THSD7A: variants seen among roughly 807,000 people sequenced by gnomAD.
THSD7A encodes thrombospondin type 1 domain containing 7A.
In THSD7A, 96 loss-of-function variants were observed where a neutral mutation model predicts 231.3. The ratio of observed to expected loss-of-function variants is 0.41; its 90% CI spans 0.35 to 0.49. THSD7A has a LOEUF of 0.49. Among genes scored for constraint, THSD7A ranks in the 20% least tolerant of loss-of-function variants. The probability of loss-of-function intolerance (pLI) is 0.05; values close to 1 mark genes in which losing one functional copy is unlikely to be tolerated. For missense variants in THSD7A, 2,290 were observed against 2,070.2 expected, an observed-to-expected ratio of 1.11 and a Z score of -2.06; for synonymous variants, 940 against 743.3, an observed-to-expected ratio of 1.26 and a Z score of -4.30.
At chr7:11,748,957 A>G (rs1341890633) in intron 1 of THSD7A, among the ~76,000 whole-genome samples, 1 of 152,012 alleles carries the variant, frequency 6.6e-6, no homozygotes, top group African/African-American at 2.4e-5. Context: ...TGAAGTATAC[A>G]GACAATTCCA....
intron 4 of THSD7A, among the ~76,000 whole-genome samples, chr7:11,552,872 T>C (rs1014752179): frequency 2.0e-5 from 3 of 152,086 alleles, no homozygotes; most frequent in Non-Finnish European, 4.4e-5. Context: ...CAAACCAATC[T>C]GTGAGTCCTA....
chr7:11,382,429 G>C (rs541153150), intron 24 of THSD7A, 92 bp downstream of exon 24: 3 of 1,050,796 alleles, frequency 2.9e-6, no homozygotes, highest in Admixed American at 2.0e-5. Context: ...AATACTGAAA[G>C]AGTAACTTTG....
chr7:11,444,133 T>C lies in THSD7A; in HGVS notation c.3064+1928A>G, dbSNP rs1242533970. ...TCACACCAGTTAGAATGGTGATCAT[T>C]AAAAAGTCAGGAAACAACAGATGCT... On this transcript the variant is annotated intron_variant, in intron 13 of 27. Transcript: ENST00000423059. This position sits in a 1 kb window ranked among gnomAD's most constrained non-coding sequence, Gnocchi z 4.2. Among the ~76,000 whole-genome samples the C allele has an allele frequency of 6.6e-6, 1 of 151,998 alleles. No individual in the cohort carries two copies. The highest frequency in any genetic ancestry group is 1.5e-5 in the Non-Finnish European group (1 of 67,984).
At chr7:11,507,134 T>A (rs929015767) in intron 6 of THSD7A, among the ~76,000 whole-genome samples, 1 of 152,184 alleles carries the variant, frequency 6.6e-6, no homozygotes, top group Non-Finnish European at 1.5e-5. Context: ...TGAGGTACTA[T>A]GGACCTTGAA....
At chr7:11,655,798 T>C (rs912193932) in intron 1 of THSD7A, among the ~76,000 whole-genome samples, 2 of 151,956 alleles carry the variant, frequency 1.3e-5, no homozygotes, top group African/African-American at 2.4e-5. Flanking sequence ...ACACATTCTA[T>C]TGAGGTTCAC....
chr7:11,620,532 T>A (rs1056098027), intron 2 of THSD7A, among the ~76,000 whole-genome samples: 2 of 152,146 alleles, frequency 1.3e-5, no homozygotes, highest in African/African-American at 4.8e-5. Context: ...TGGGTATGGT[T>A]TCACAGGCTG....
rs1785213865 is a variant in THSD7A at position 11,832,031 on chromosome 7, G to T, written c.-85C>A. 2.1e-6 allele frequency: 2 copies of T among 938,984 alleles called. No individual in the cohort carries two copies. Among genetic ancestry groups the T allele is most frequent in the Non-Finnish European group, 2.7e-6 (2 of 730,704 alleles). The allele number at this position is 938,984 out of a possible 1,614,324, so 58.2% of individuals were successfully genotyped here. On this transcript the variant is annotated 5_prime_UTR_variant, in exon 1 of 28. Coordinates refer to ENST00000423059, the MANE Select transcript of THSD7A (RefSeq NM_015204.3). ...CGCTCTTGGAACGTCTTTTCAAAGA[G>T]TACAGAAAGCAAAGCTCTTTCCTGC...
At chr7:11,380,597 G>C (rs888782512) in intron 24 of THSD7A, among the ~76,000 whole-genome samples, 4 of 152,086 alleles carry the variant, frequency 2.6e-5, no homozygotes, top group African/African-American at 9.7e-5. Context: ...GTCATTGCAA[G>C]GCAATCGCAG....
intron 9 of THSD7A, among the ~76,000 whole-genome samples, chr7:11,465,213 A>C (rs1785651531): frequency 6.6e-6 from 1 of 152,196 alleles, no homozygotes; most frequent in African/African-American, 2.4e-5. Context: ...CTGGATTATT[A>C]GTTAGCACCT....
chr7:11,508,054 A>G lies in THSD7A; in HGVS notation c.1823-26072T>C, dbSNP rs553937651. Among the ~76,000 whole-genome samples the G allele has an allele frequency of 6.6e-5, 10 of 152,118 alleles. No homozygotes were observed. The East Asian group carries it at 1.5e-3, about 23-fold the overall frequency. On this transcript the variant is annotated intron_variant, in intron 6 of 27. Transcript: ENST00000423059. ...AGGAGAGAGAGAGAGAGCAGGAAAA[A>G]CTGCCATTTATAAAACCATCAGATC... is the stretch of plus-strand genomic sequence containing the variant.
intron 6 of THSD7A, among the ~76,000 whole-genome samples, chr7:11,538,334 T>C (rs1788999550): frequency 6.6e-6 from 1 of 152,128 alleles, no homozygotes; most frequent in Non-Finnish European, 1.5e-5. Flanking sequence ...GATAAGGAAA[T>C]ATAGACAGCA....
chr7:11,443,208 T>C (rs1784858916), intron 13 of THSD7A, among the ~76,000 whole-genome samples: 2 of 152,118 alleles, frequency 1.3e-5, no homozygotes, highest in African/African-American at 4.8e-5. Flanking sequence ...ACAATTATTT[T>C]AGTGATTCAG....
chr7:11,797,304 A>G (rs1228509973), intron 1 of THSD7A, among the ~76,000 whole-genome samples: 1 of 151,570 alleles, frequency 6.6e-6, no homozygotes, highest in African/African-American at 2.4e-5. Context: ...ATGACAATCT[A>G]ATTTCCACAT....
chr7:11,419,261 CA>C (rs2115401953), intron 16 of THSD7A, among the ~76,000 whole-genome samples: 1 of 152,228 alleles, frequency 6.6e-6, no homozygotes, highest in Admixed American at 6.5e-5. Flanking sequence ...TTGGAATTCT[CA>C]GTGTTGCAGG....
At chr7:11,493,541 T>C (rs567737104) in intron 6 of THSD7A, among the ~76,000 whole-genome samples, 12 of 152,126 alleles carry the variant, frequency 7.9e-5, no homozygotes, top group Non-Finnish European at 1.6e-4. Flanking sequence ...GGAACTACTA[T>C]GTCTGCTCAT....
intron 13 of THSD7A, among the ~76,000 whole-genome samples, chr7:11,429,539 T>C (rs973265479): frequency 6.6e-6 from 1 of 152,234 alleles, no homozygotes; most frequent in Non-Finnish European, 1.5e-5. Context: ...TGCAACGTTC[T>C]TTCTTAAGAA....
intron 6 of THSD7A, among the ~76,000 whole-genome samples, chr7:11,512,852 T>G (rs1038548635): frequency 3.3e-5 from 5 of 149,284 alleles, no homozygotes; most frequent in Non-Finnish European, 5.9e-5. Context: ...GGGTGCAACA[T>G]ACCAACATGG....
intron 4 of THSD7A, among the ~76,000 whole-genome samples, chr7:11,565,675 C>G (rs1790280091): frequency 1.3e-5 from 2 of 152,194 alleles, no homozygotes; most frequent in South Asian, 4.1e-4. Context: ...CAAGCAATAT[C>G]TGGCTCTTGG....
At chr7:11,778,770 CAT>C (rs1783528532) in intron 1 of THSD7A, among the ~76,000 whole-genome samples, 2 of 152,066 alleles carry the variant, frequency 1.3e-5, no homozygotes, top group African/African-American at 2.4e-5. Flanking sequence ...TTCATATTCT[CAT>C]GTGAATAGAA....
Sources: allele counts gnomAD v4.1 joint callset (sites outside exome capture counted in the v4.1 genomes callset), GRCh38; gene constraint gnomAD v4.1.1; non-coding constraint Gnocchi (gnomAD v3.1); transcripts MANE v1.5; gene names NCBI Gene and HGNC (gene_info 2026-07-23, HGNC 2026-07-21).